The following AGBL1 variants were observed in gnomAD, a reference collection of about 807,000 sequenced individuals.
The protein encoded by AGBL1 is AGBL carboxypeptidase 1.
A neutral mutation model predicts 118.9 loss-of-function variants in AGBL1; 130 were observed. The ratio of observed to expected loss-of-function variants is 1.09; its 90% CI spans 0.95 to 1.26. The LOEUF (loss-of-function observed/expected upper bound fraction) is 1.26. AGBL1 is among the 50% of genes most tolerant of loss of function. AGBL1 has a pLI of 0.00. For missense variants in AGBL1, 1,584 were observed against 1,298.1 expected, an observed-to-expected ratio of 1.22 and a Z score of -3.38; for synonymous variants, 555 against 478.9, an observed-to-expected ratio of 1.16 and a Z score of -2.08.
rs571251344 is a variant in AGBL1 at position 86,762,269 on chromosome 15, G to C, written c.3158+87833G>C. Among the ~76,000 whole-genome samples the C allele has an allele frequency of 2.6e-5, 4 of 151,996 alleles. No individual in the cohort carries two copies. In the East Asian group the frequency reaches 7.8e-4, roughly 30 times the overall value. ...AGGGAAAAGAGCTAATTCATGCTGG[G>C]CTTAATACCTAGGTGACAGGTTGAC... On this transcript the variant is annotated intron_variant, in intron 22 of 22. Transcript: ENST00000614907.
chr15:86,938,693 A>T (rs2080709182), intron 23 of AGBL1: 1 of 152,176 alleles, frequency 6.6e-6, no homozygotes, highest in Non-Finnish European at 1.5e-5. Context: ...CAGCAGCCGT[A>T]GTTCTAAGGA....
In AGBL1 at chr15:86,997,890, GACACACACACACACACACACAC is replaced by G. The variant is rs3030280; in HGVS notation, c.3323+9827_3323+9848del. Among the ~76,000 whole-genome samples, 113 of 145,936 alleles carry G rather than the reference GACACACACACACACACACACAC, an allele frequency of 7.7e-4. 1 individual carries two copies. In the East Asian group the frequency reaches 0.014, roughly 18 times the overall value. On this transcript the variant is annotated intron_variant, in intron 24 of 24. Transcript: ENST00000441037. Reference sequence around the variant, plus strand: ...CAATATATTGGCCAAACATGTGGAAGACACACACACACACACACACACACACACACACACACACACACACACT... The same window carrying G: ...CAATATATTGGCCAAACATGTGGAAGACACACACACACACACACACACACT...
At position 86,382,604 on chromosome 15, in the gene AGBL1, G is replaced by T. The variant is rs934028192; in HGVS notation, c.2375-14762G>T. 3.9e-5 allele frequency among the ~76,000 whole-genome samples: 6 copies of T among 152,206 alleles called. No individual in the cohort carries two copies. The South Asian group carries it at 1.2e-3, about 32-fold the overall frequency. On this transcript the variant is annotated intron_variant, in intron 17 of 22. Coordinates refer to ENST00000614907, the MANE Select transcript of AGBL1 (RefSeq NM_001386094.1). The stretch of plus-strand genomic sequence containing the variant: ...ATACCCTTGTCAGGCTATGTAAGTG[G>T]AGAACTGGCAGGCCACCGCTGTAGT...
At chr15:86,113,801 T>C (rs1246455743) in intron 1 of AGBL1, among the ~76,000 whole-genome samples, 2 of 152,244 alleles carry the variant, frequency 1.3e-5, no homozygotes, top group East Asian at 3.8e-4. Context: ...ACCGTTTTAC[T>C]ACTAGGCAAG....
intron 12 of AGBL1, among the ~76,000 whole-genome samples, 172 bp downstream of exon 12, chr15:86,266,629 G>T (rs531044238): frequency 2.0e-5 from 3 of 152,210 alleles, no homozygotes; most frequent in African/African-American, 7.2e-5. Context: ...TCGGCCAGGC[G>T]CAGTGGCTCA....
intron 18 of AGBL1, among the ~76,000 whole-genome samples, chr15:86,474,108 G>A (rs945604452): frequency 2.6e-5 from 4 of 152,176 alleles, no homozygotes; most frequent in Non-Finnish European, 5.9e-5. Flanking sequence ...TTCCAAGATG[G>A]CCAAATAGGA....
intron 17 of AGBL1, among the ~76,000 whole-genome samples, chr15:86,383,247 T>TAAAA (rs4035838): frequency 1.5e-4 from 8 of 54,476 alleles, no homozygotes; most frequent in African/African-American, 6.5e-4. Context: ...ATTCAGTATG[T>TAAAA]AAAAAAAAAA....
At chr15:86,672,869 A>G (rs1399438061) in intron 21 of AGBL1, among the ~76,000 whole-genome samples, 1 of 152,174 alleles carries the variant, frequency 6.6e-6, no homozygotes, top group Non-Finnish European at 1.5e-5. Context: ...AACATGCAGC[A>G]AATCAGATTT....
intron 18 of AGBL1, among the ~76,000 whole-genome samples, chr15:86,426,921 A>C (rs2081874384): frequency 6.6e-6 from 1 of 151,558 alleles, no homozygotes; most frequent in Admixed American, 6.6e-5. Context: ...GCACACCACC[A>C]CTCCCAGCTA....
intron 21 of AGBL1, among the ~76,000 whole-genome samples, chr15:86,586,129 G>A (rs746435961): frequency 3.9e-5 from 6 of 152,142 alleles, no homozygotes; most frequent in African/African-American, 7.2e-5. Flanking sequence ...CTAAAACTGA[G>A]TCAGAAAGGA....
At chr15:86,664,269 A>G (rs2085600418) in intron 21 of AGBL1, among the ~76,000 whole-genome samples, 1 of 152,178 alleles carries the variant, frequency 6.6e-6, no homozygotes, top group African/African-American at 2.4e-5. Flanking sequence ...CTCAGCATGA[A>G]AGCATTAGAG....
chr15:86,984,489 T>C (rs2117078), intron 23 of AGBL1, among the ~76,000 whole-genome samples: 123,508 of 151,584 alleles, frequency 0.81, 50,920 homozygotes, highest in South Asian at 0.94. Flanking sequence ...CCTCAGCCTC[T>C]CAAGTAGCTG....
At chr15:86,549,412 T>C (rs1023629544) in intron 20 of AGBL1, among the ~76,000 whole-genome samples, 38 of 152,054 alleles carry the variant, frequency 2.5e-4, no homozygotes, top group Non-Finnish European at 4.1e-4. Flanking sequence ...TCAAGCTAAA[T>C]AATTTAAATA....
At chr15:86,096,456 T>C (rs929085422) in intron 1 of AGBL1, among the ~76,000 whole-genome samples, 2 of 152,212 alleles carry the variant, frequency 1.3e-5, no homozygotes, top group Admixed American at 6.5e-5. Flanking sequence ...ATCTAGATCA[T>C]ATACTCTCAG....
intron 5 of AGBL1, among the ~76,000 whole-genome samples, chr15:86,211,247 G>T (rs1011927814): frequency 5.3e-5 from 8 of 152,222 alleles, no homozygotes; most frequent in African/African-American, 1.9e-4. Context: ...TGAGGTGTCA[G>T]TTGGCCCCTA....
At chr15:86,932,745 T>G (rs1291808452) in intron 23 of AGBL1, 2 of 152,246 alleles carry the variant, frequency 1.3e-5, no homozygotes, top group Admixed American at 1.3e-4. Context: ...TGGCCCATTA[T>G]GAATGTTTTG....
At chr15:86,197,960 C>G (rs1224850864) in intron 5 of AGBL1, among the ~76,000 whole-genome samples, 1 of 152,078 alleles carries the variant, frequency 6.6e-6, no homozygotes, top group Non-Finnish European at 1.5e-5. Context: ...ACTCACATCA[C>G]AGCCCAGAGT....
intron 21 of AGBL1, among the ~76,000 whole-genome samples, chr15:86,632,888 T>A (rs1299031863): frequency 6.6e-6 from 1 of 152,196 alleles, no homozygotes. Flanking sequence ...TATGGATAAT[T>A]TTTGCTTCAA....
At chr15:86,805,154 AT>A (rs2078699223) in intron 22 of AGBL1, among the ~76,000 whole-genome samples, 2 of 151,952 alleles carry the variant, frequency 1.3e-5, no homozygotes, top group Admixed American at 6.6e-5. Context: ...AATTATATCA[AT>A]CCATTATTTT....
Sources: gnomAD v4.1 joint callset for allele counts (sites outside exome capture counted in the v4.1 genomes callset) on GRCh38, gnomAD v4.1.1 for gene constraint, MANE v1.5 for transcripts, NCBI Gene and HGNC (gene_info 2026-07-23, HGNC 2026-07-21) for gene names.